Variants in CARMIL1 observed in about 807,000 individuals in gnomAD.
CARMIL1 encodes capping protein regulator and myosin 1 linker 1.
A neutral mutation model predicts 177.1 loss-of-function variants in CARMIL1; 90 were observed. The ratio of observed to expected loss-of-function variants is 0.51; its 90% CI spans 0.43 to 0.61. CARMIL1 has a LOEUF of 0.61. Ranked by LOEUF, CARMIL1 falls within the 20% of genes least tolerant of loss-of-function variation. CARMIL1 has a pLI of 0.00. For missense variants in CARMIL1, 1,380 were observed against 1,667.0 expected, an observed-to-expected ratio of 0.83 and a Z score of 3.00; for synonymous variants, 577 against 606.2, an observed-to-expected ratio of 0.95 and a Z score of 0.71.
At chr6:25,557,307 T>C (rs1562283372) in intron 29 of CARMIL1, among the ~76,000 whole-genome samples, 2 of 152,172 alleles carry the variant, frequency 1.3e-5, no homozygotes, top group African/African-American at 4.8e-5. Flanking sequence ...TTAACCTGAT[T>C]TGATGTGCTT....
At position 25,279,667 on chromosome 6, in the gene CARMIL1, C is replaced by A. The variant is rs547117087; in HGVS notation, c.-129C>A. The A allele has an allele frequency of 3.6e-6, 3 of 837,330 alleles. No individual in the cohort carries two copies. The highest frequency in any genetic ancestry group is 6.2e-6 in the Non-Finnish European group (3 of 481,166). 51.9% of individuals were successfully genotyped at this position (837,330 alleles called of 1,614,324 possible). ...CGCGGCAAAATTCTGTCTCCGCCCC[C>A]CCTTTTCTTGCCCACTTCCATTTGC... On this transcript the variant is annotated 5_prime_UTR_variant, in exon 1 of 37. Transcript: ENST00000329474.
intron 13 of CARMIL1, among the ~76,000 whole-genome samples, chr6:25,491,485 A>G (rs1266919549): frequency 6.6e-6 from 1 of 152,222 alleles, no homozygotes; most frequent in Non-Finnish European, 1.5e-5. Flanking sequence ...GTCATGCATA[A>G]CAAAATGGGG....
At chr6:25,572,261 C>T (rs992304115) in intron 29 of CARMIL1, among the ~76,000 whole-genome samples, 3 of 151,930 alleles carry the variant, frequency 2.0e-5, no homozygotes, top group Non-Finnish European at 2.9e-5. Context: ...TTAACAATTG[C>T]TGAATCTAAG....
intron 13 of CARMIL1, among the ~76,000 whole-genome samples, chr6:25,490,843 G>T (rs192316389): frequency 4.6e-5 from 7 of 152,260 alleles, no homozygotes; most frequent in Admixed American, 2.0e-4. Flanking sequence ...TCCTTGATAG[G>T]ATTCTTCTGA....
chr6:25,445,595 C>T (rs553497664), intron 5 of CARMIL1, among the ~76,000 whole-genome samples: 15 of 147,172 alleles, frequency 1.0e-4, no homozygotes, highest in Admixed American at 4.1e-4. Context: ...AGTGCAGTGG[C>T]GTGATCTCGG....
chr6:25,462,793 G>A (rs192530971), intron 8 of CARMIL1, among the ~76,000 whole-genome samples: 32 of 152,238 alleles, frequency 2.1e-4, no homozygotes, highest in African/African-American at 5.8e-4. Flanking sequence ...GTCTTTCGTT[G>A]TATTACAGAT....
At chr6:25,299,480 G>T (rs1782684031) in intron 2 of CARMIL1, among the ~76,000 whole-genome samples, 1 of 151,920 alleles carries the variant, frequency 6.6e-6, no homozygotes, top group Admixed American at 6.6e-5. Flanking sequence ...CCCATGCTGG[G>T]TTCTTAATCT....
At chr6:25,409,187 G>T (rs1439033601) in intron 2 of CARMIL1, among the ~76,000 whole-genome samples, 3 of 152,118 alleles carry the variant, frequency 2.0e-5, no homozygotes, top group Non-Finnish European at 2.9e-5. Context: ...TCTGACTCAA[G>T]CCACATGCTG....
chr6:25,534,008 C>A (rs931089576), intron 24 of CARMIL1, among the ~76,000 whole-genome samples: 1 of 152,080 alleles, frequency 6.6e-6, no homozygotes, highest in Non-Finnish European at 1.5e-5. Context: ...TTTGCTTTCC[C>A]CATCCATTAC....
intron 2 of CARMIL1, among the ~76,000 whole-genome samples, chr6:25,375,389 C>T (rs1790872057): frequency 6.6e-6 from 1 of 152,202 alleles, no homozygotes; most frequent in Admixed American, 6.5e-5. Flanking sequence ...CTGTAGGTTA[C>T]CTGATACTTT....
intron 12 of CARMIL1, among the ~76,000 whole-genome samples, chr6:25,483,493 A>T (rs1802315743): frequency 6.6e-6 from 1 of 152,028 alleles, no homozygotes; most frequent in African/African-American, 2.4e-5. Context: ...AGTGCTTAGT[A>T]AACTGCTACC....
chr6:25,411,525 A>G (rs912784467), intron 2 of CARMIL1, among the ~76,000 whole-genome samples: 1 of 152,188 alleles, frequency 6.6e-6, no homozygotes, highest in Admixed American at 6.5e-5. Flanking sequence ...AGGATCTGAT[A>G]TGTACTGGCC....
At chr6:25,535,672 C>T (rs570260424) in intron 24 of CARMIL1, among the ~76,000 whole-genome samples, 13 of 152,304 alleles carry the variant, frequency 8.5e-5, no homozygotes, top group Admixed American at 3.3e-4. Flanking sequence ...GAGATTATAG[C>T]CTTTCAGATT....
chr6:25,380,805 TTTAAGGAGCCACA>T (rs1791447780), intron 2 of CARMIL1, among the ~76,000 whole-genome samples: 1 of 152,242 alleles, frequency 6.6e-6, no homozygotes, highest in African/African-American at 2.4e-5. Flanking sequence ...GCATTTTTCC[TTTAAGGAGCCACA>T]GTCTAGACTG....
Position 25,619,491 on chromosome 6 carries a change from C to A in CARMIL1, c.4024C>A (p.Gln1342Lys). 2 of 1,613,808 alleles carry A rather than the reference C, an allele frequency of 1.2e-6. No homozygotes were observed. The highest frequency in any genetic ancestry group is 1.7e-6 in the Non-Finnish European group (2 of 1,179,822). ...CCAGCAGGCCCAGGAGTATCAAGAACAAAAGCAACGGTCCTCCAGTAAAGA... is the reference window on the plus strand; with the variant it reads ...CCAGCAGGCCCAGGAGTATCAAGAAAAAAAGCAACGGTCCTCCAGTAAAGA... ...WGQQAQEYQE[Q>K]KQRSSSKDGH... The change falls in exon 37 of 37, where the codon CAA (glutamine) becomes AAA (lysine). Residue 1342 changes from glutamine to lysine, a missense_variant. Transcript: ENST00000329474.
At chr6:25,376,992 T>A (rs1791050956) in intron 2 of CARMIL1, among the ~76,000 whole-genome samples, 1 of 152,208 alleles carries the variant, frequency 6.6e-6, no homozygotes, top group Non-Finnish European at 1.5e-5. Context: ...TTCCAGCTAT[T>A]CTGATCAGGC....
At chr6:25,348,688 A>T (rs1295463998) in intron 2 of CARMIL1, among the ~76,000 whole-genome samples, 1 of 152,064 alleles carries the variant, frequency 6.6e-6, no homozygotes, top group Non-Finnish European at 1.5e-5. Context: ...AGGCTGAGGC[A>T]GGAGAATCAC....
chr6:25,286,055 T>C (rs1781499103), intron 2 of CARMIL1, among the ~76,000 whole-genome samples: 1 of 151,896 alleles, frequency 6.6e-6, no homozygotes, highest in Non-Finnish European at 1.5e-5. Flanking sequence ...TTATTTTTTG[T>C]AGAGACAGGG....
chr6:25,526,689 A>G (rs1807177212), intron 23 of CARMIL1, among the ~76,000 whole-genome samples: 1 of 151,932 alleles, frequency 6.6e-6, no homozygotes, highest in Non-Finnish European at 1.5e-5. Context: ...AGTAGCTAGA[A>G]CTACAGGAGT....
Sources: allele counts gnomAD v4.1 joint callset (sites outside exome capture counted in the v4.1 genomes callset), GRCh38; gene constraint gnomAD v4.1.1; transcripts MANE v1.5; gene names NCBI Gene and HGNC (gene_info 2026-07-23, HGNC 2026-07-21).